NRXN3: variants seen among roughly 807,000 people sequenced by gnomAD.
NRXN3 encodes the protein neurexin 3.
NRXN3 carries 32 observed loss-of-function variants against 137.6 expected under a neutral mutation model. The observed-to-expected ratio is 0.23, with a 90% CI of 0.18 to 0.31. The LOEUF is 0.31. Among genes scored for constraint, NRXN3 ranks in the 10% least tolerant of loss-of-function variants. NRXN3 has a pLI of 1.00. For missense variants in NRXN3, 1,574 were observed against 2,062.5 expected (o/e 0.76, Z 4.59); for synonymous variants, 798 against 784.5 (o/e 1.02, Z -0.29).
At chr14:79,098,329 C>T (rs2050702459) in intron 15 of NRXN3, among the ~76,000 whole-genome samples, 1 of 152,126 alleles carries the variant, frequency 6.6e-6, no homozygotes, top group South Asian at 2.1e-4. Flanking sequence ...ATTGCATATG[C>T]TTTAAAAAAC....
intron 19 of NRXN3, among the ~76,000 whole-genome samples, chr14:79,740,730 A>ATATATATATATATATATTT: frequency 3.3e-5 from 1 of 30,306 alleles, no homozygotes; most frequent in African/African-American, 1.3e-4. Flanking sequence ...ATATATATAT[A>ATATATATATATATATATTT]TATATATATA....
intron 15 of NRXN3, among the ~76,000 whole-genome samples, chr14:79,194,678 G>A (rs137900171): frequency 3.3e-5 from 5 of 152,300 alleles, no homozygotes; most frequent in East Asian, 1.9e-4. Flanking sequence ...GGATGTAATT[G>A]CTTTTCATTG....
At chr14:78,603,507 G>T (rs1328554457) in intron 4 of NRXN3, among the ~76,000 whole-genome samples, 1 of 152,186 alleles carries the variant, frequency 6.6e-6, no homozygotes, top group Non-Finnish European at 1.5e-5. Context: ...GGACTTATCG[G>T]TGGGTGGTAG....
intron 15 of NRXN3, among the ~76,000 whole-genome samples, chr14:79,448,835 G>A (rs983196777): frequency 3.0e-4 from 46 of 152,244 alleles, no homozygotes; most frequent in African/African-American, 1.1e-3. Context: ...TGAACATGTG[G>A]TTTGGGGACC....
intron 20 of NRXN3, among the ~76,000 whole-genome samples, chr14:79,850,919 C>T (rs756819708): frequency 6.6e-6 from 1 of 152,188 alleles, no homozygotes; most frequent in Non-Finnish European, 1.5e-5. Flanking sequence ...GAAACTACAG[C>T]TTCCATGGGT....
intron 15 of NRXN3, among the ~76,000 whole-genome samples, chr14:79,376,214 GTATATATATATATATATA>G (rs1159913935): frequency 0.012 from 836 of 71,110 alleles, 22 homozygotes; most frequent in Middle Eastern, 0.095. Context: ...GTGTGTGTAT[GTATATATATATATATATA>G]TATATATATA....
At chr14:79,389,648 T>C (rs12884078) in intron 15 of NRXN3, among the ~76,000 whole-genome samples, 47,339 of 152,146 alleles carry the variant, frequency 0.31, 7,704 homozygotes, top group Admixed American at 0.39. Flanking sequence ...ACTTAATAAT[T>C]GTAAGTTGTT....
intron 6 of NRXN3, among the ~76,000 whole-genome samples, chr14:78,659,410 A>G (rs1467122320): frequency 1.3e-5 from 2 of 152,048 alleles, no homozygotes. Context: ...TGGGCATGGT[A>G]GTTCACGCCC....
intron 9 of NRXN3, among the ~76,000 whole-genome samples, chr14:78,808,092 CCCTCAGAG>C (rs1461512000): frequency 5.3e-5 from 8 of 152,026 alleles, no homozygotes; most frequent in African/African-American, 1.2e-4. Flanking sequence ...CAAGAACACC[CCCTCAGAG>C]CCTATCAAGA....
At chr14:78,585,070 A>C (rs1199352824) in intron 4 of NRXN3, among the ~76,000 whole-genome samples, 1 of 151,716 alleles carries the variant, frequency 6.6e-6, no homozygotes, top group Non-Finnish European at 1.5e-5. Context: ...AAAAGGAAAT[A>C]TACAAATACA....
At chr14:79,305,937 G>A (rs1401868358) in intron 15 of NRXN3, among the ~76,000 whole-genome samples, 2 of 151,942 alleles carry the variant, frequency 1.3e-5, no homozygotes, top group African/African-American at 4.8e-5. Context: ...AATGGGACTG[G>A]GATATTACTC....
intron 15 of NRXN3, among the ~76,000 whole-genome samples, chr14:79,424,653 T>C (rs2095628118): frequency 6.6e-6 from 1 of 152,182 alleles, no homozygotes; most frequent in South Asian, 2.1e-4. Flanking sequence ...AAGATCTTAG[T>C]TGCTAAGTTA....
intron 4 of NRXN3, among the ~76,000 whole-genome samples, chr14:78,361,249 A>G (rs929169683): frequency 1.3e-5 from 2 of 152,216 alleles, no homozygotes; most frequent in African/African-American, 4.8e-5. Flanking sequence ...GGGTCCTGAT[A>G]CAGGTATATA....
intron 15 of NRXN3, among the ~76,000 whole-genome samples, chr14:79,311,084 T>A (rs1348072127): frequency 2.2e-5 from 2 of 92,244 alleles, no homozygotes; most frequent in Non-Finnish European, 3.9e-5. Context: ...CATAGATAGC[T>A]CTTATTATTT....
chr14:79,778,690 G>T (rs528932726), intron 19 of NRXN3, among the ~76,000 whole-genome samples: 35 of 152,226 alleles, frequency 2.3e-4, no homozygotes, highest in African/African-American at 6.5e-4. Flanking sequence ...TGACTCCCAG[G>T]CCTGTTCAGT....
intron 2 of NRXN3, among the ~76,000 whole-genome samples, chr14:78,252,968 A>G (rs907845292): frequency 2.1e-4 from 32 of 152,112 alleles, no homozygotes; most frequent in African/African-American, 7.2e-4. Flanking sequence ...CTTCCTCCTC[A>G]TTCTCTCAGG....
intron 16 of NRXN3, among the ~76,000 whole-genome samples, chr14:79,626,081 A>T (rs563774764): frequency 6.6e-6 from 1 of 152,352 alleles, no homozygotes; most frequent in Non-Finnish European, 1.5e-5. Context: ...AGAGGGAAAG[A>T]CTTAGACTGT....
At chr14:78,577,225 A>G (rs2096944595) in intron 4 of NRXN3, among the ~76,000 whole-genome samples, 1 of 152,062 alleles carries the variant, frequency 6.6e-6, no homozygotes, top group East Asian at 1.9e-4. Context: ...ACATCTTTTA[A>G]CTTTGCTGCC....
intron 19 of NRXN3, among the ~76,000 whole-genome samples, chr14:79,741,711 C>A (rs1051908182): frequency 6.6e-6 from 1 of 151,930 alleles, no homozygotes; most frequent in Non-Finnish European, 1.5e-5. Flanking sequence ...GTCTCAAACT[C>A]CTGGCCTCAA....
Sources: allele counts gnomAD v4.1 joint callset (sites outside exome capture counted in the v4.1 genomes callset), GRCh38; gene constraint gnomAD v4.1.1; transcripts MANE v1.5; gene names NCBI Gene and HGNC (gene_info 2026-07-23, HGNC 2026-07-21).